LGR5: variants seen among roughly 807,000 people sequenced by gnomAD.
The protein encoded by LGR5 is leucine-rich repeat-containing G protein-coupled receptor 5.
In LGR5, 54 loss-of-function variants were observed where a neutral mutation model predicts 76.7. That is an observed-to-expected ratio of 0.70 (90% CI 0.57 to 0.88). The LOEUF (loss-of-function observed/expected upper bound fraction) is 0.88. Among genes scored for constraint, LGR5 ranks in the 40% least tolerant of loss-of-function variants. The pLI is 0.00. For synonymous variants in LGR5, 406 were observed against 421.9 expected (o/e 0.96, Z 0.46); for missense variants, 1,078 against 1,073.3 (o/e 1.00, Z -0.06).
In LGR5 at chr12:71,520,291, G is replaced by T. The variant is rs151329604; in HGVS notation, c.285-4115G>T. ...GAAAATATTATGCTTAGTGAAATAA[G>T]TCAGATACAAAAAGAAAACATTATA... On this transcript the variant is annotated intron_variant, in intron 2 of 17. Coordinates refer to ENST00000266674, the MANE Select transcript of LGR5 (RefSeq NM_003667.4). Among the ~76,000 whole-genome samples the T allele has an allele frequency of 3.9e-3, 591 of 152,218 alleles. 7 individuals carry two copies. The highest frequency in any genetic ancestry group is 0.013 in the African/African-American group (531 of 41,520).
intron 3 of LGR5, among the ~76,000 whole-genome samples, chr12:71,525,405 T>C (rs1875943397): frequency 1.4e-5 from 2 of 145,204 alleles, no homozygotes; most frequent in Admixed American, 1.4e-4. Flanking sequence ...TTCTTTTCTT[T>C]CTTTTTTTTT....
intron 1 of LGR5, among the ~76,000 whole-genome samples, chr12:71,457,676 G>A (rs1300673060): frequency 6.6e-6 from 1 of 152,172 alleles, no homozygotes; most frequent in Non-Finnish European, 1.5e-5. Context: ...TGGTGTCTGT[G>A]TCATATAGTC....
At chr12:71,446,064 T>C (rs1035894438) in intron 1 of LGR5, among the ~76,000 whole-genome samples, 1 of 152,152 alleles carries the variant, frequency 6.6e-6, no homozygotes, top group African/African-American at 2.4e-5. Flanking sequence ...TTCCACTTTA[T>C]ACCCCAAGTG....
intron 1 of LGR5, among the ~76,000 whole-genome samples, chr12:71,456,214 G>GA (rs1207754573): frequency 6.6e-6 from 1 of 152,086 alleles, no homozygotes; most frequent in African/African-American, 2.4e-5. Flanking sequence ...AGACGGGGGA[G>GA]AAAAGGAAAA....
intron 1 of LGR5, among the ~76,000 whole-genome samples, chr12:71,502,891 A>G (rs146894127): frequency 8.5e-5 from 13 of 152,368 alleles, no homozygotes; most frequent in Admixed American, 2.6e-4. Context: ...CTTTCTGCAG[A>G]TAAACAAGAT....
At chr12:71,564,802 TAC>T (rs573495987) in intron 8 of LGR5, among the ~76,000 whole-genome samples, 3 of 149,410 alleles carry the variant, frequency 2.0e-5, no homozygotes, top group South Asian at 2.1e-4. Flanking sequence ...TACATATATG[TAC>T]ACACACTGTA....
chr12:71,563,935 CACACCG>C (rs1878194283), intron 8 of LGR5, among the ~76,000 whole-genome samples: 4 of 144,510 alleles, frequency 2.8e-5, no homozygotes, highest in Non-Finnish European at 6.0e-5. Flanking sequence ...TATGTACACA[CACACCG>C]TGTATATATG....
intron 4 of LGR5, among the ~76,000 whole-genome samples, chr12:71,542,579 G>C (rs1876937992): frequency 6.6e-6 from 1 of 152,176 alleles, no homozygotes; most frequent in African/African-American, 2.4e-5. Context: ...GATGAAGAAA[G>C]GGAGATGGAT....
Position 71,440,560 on chromosome 12 carries a change from G to T in LGR5, c.212+268G>T, listed in dbSNP as rs1871719218. On this transcript the variant is annotated intron_variant, in intron 1 of 17. Coordinates refer to ENST00000266674, the MANE Select transcript of LGR5 (RefSeq NM_003667.4). This position sits in a 1 kb window ranked among gnomAD's most constrained non-coding sequence, Gnocchi z 5.3. Reference sequence around the variant, plus strand: ...CTGCGCCGCAGCTTCCCAGTCCAGCGCTAGAAACATCGCAGGGCGAATTCC... The same window carrying T: ...CTGCGCCGCAGCTTCCCAGTCCAGCTCTAGAAACATCGCAGGGCGAATTCC... 6.6e-6 allele frequency among the ~76,000 whole-genome samples: 1 copy of T among 152,224 alleles called. No homozygotes were observed. The highest frequency in any genetic ancestry group is 1.5e-5 in the Non-Finnish European group (1 of 68,038).
At chr12:71,575,200 G>A (rs539532487) in intron 13 of LGR5, among the ~76,000 whole-genome samples, 1 of 152,114 alleles carries the variant, frequency 6.6e-6, no homozygotes, top group Non-Finnish European at 1.5e-5. Context: ...TGAGGGTTAT[G>A]AGACTAAAAC....
At position 71,564,058 on chromosome 12, in the gene LGR5, G is replaced by A. The variant is rs112815772; in HGVS notation, c.857+2206G>A. On this transcript the variant is annotated intron_variant, in intron 8 of 17. Transcript: ENST00000266674. ...ATATACGTATCTGTATACACGCACC[G>A]TGTATATATGCATATATACGTATCT... Among the ~76,000 whole-genome samples the A allele has an allele frequency of 3.8e-3, 11 of 2,870 alleles. No individual in the cohort carries two copies. The Non-Finnish European group carries it at 0.041, about 11-fold the overall frequency. The allele number at this position is 2,870 out of a possible 152,430, so 1.9% of individuals were successfully genotyped here. A position where few individuals can be genotyped will look rare whatever the true frequency, so the allele number is the denominator to read the frequency against.
intron 11 of LGR5, among the ~76,000 whole-genome samples, chr12:71,569,264 T>A (rs1183062291): frequency 6.6e-6 from 1 of 152,200 alleles, no homozygotes; most frequent in Non-Finnish European, 1.5e-5. Context: ...GATTTTATGA[T>A]GAAATCGCCT....
intron 4 of LGR5, among the ~76,000 whole-genome samples, chr12:71,537,393 C>T (rs1876649782): frequency 6.6e-6 from 1 of 151,974 alleles, no homozygotes; most frequent in Admixed American, 6.6e-5. Context: ...CACTTGGGCC[C>T]AGGAGTTTGA....
intron 1 of LGR5, among the ~76,000 whole-genome samples, chr12:71,449,977 A>G (rs553270021): frequency 6.6e-6 from 1 of 152,340 alleles, no homozygotes; most frequent in African/African-American, 2.4e-5. Context: ...ATGGGTTACA[A>G]AGGATTTCAG....
chr12:71,566,940 T>A, intron 11 of LGR5, 28 bp downstream of exon 11: 1 of 1,523,010 alleles, frequency 6.6e-7, no homozygotes, highest in Non-Finnish European at 9.1e-7. Context: ...AATAATGTTG[T>A]GTAAACAGGC....
chr12:71,455,843 G>GTA (rs1592456381), intron 1 of LGR5, among the ~76,000 whole-genome samples: 2 of 151,960 alleles, frequency 1.3e-5, no homozygotes, highest in South Asian at 2.1e-4. Context: ...AATTAACATT[G>GTA]TATATATATG....
chr12:71,510,599 A>G (rs1006668475), intron 2 of LGR5, among the ~76,000 whole-genome samples: 25 of 152,172 alleles, frequency 1.6e-4, no homozygotes, highest in Admixed American at 4.6e-4. Flanking sequence ...TGTTCCATTC[A>G]TTCATTCAGC....
chr12:71,537,707 A>G (rs1876671963), intron 4 of LGR5, among the ~76,000 whole-genome samples: 1 of 152,188 alleles, frequency 6.6e-6, no homozygotes, highest in Non-Finnish European at 1.5e-5. Flanking sequence ...TAAAAACATT[A>G]GTTTGAATTT....
At chr12:71,579,617 C>G (rs1161097371) in intron 15 of LGR5, among the ~76,000 whole-genome samples, 1 of 152,112 alleles carries the variant, frequency 6.6e-6, no homozygotes, top group Non-Finnish European at 1.5e-5. Context: ...TATTCATCCC[C>G]TCAAGCATTT....
Sources: gnomAD v4.1 joint callset for allele counts (sites outside exome capture counted in the v4.1 genomes callset) on GRCh38, gnomAD v4.1.1 for gene constraint, Gnocchi (gnomAD v3.1) non-coding constraint, MANE v1.5 for transcripts, NCBI Gene and HGNC (gene_info 2026-07-23, HGNC 2026-07-21) for gene names.